Variants in CLEC2A observed in about 807,000 individuals in gnomAD.
The protein encoded by CLEC2A is C-type lectin domain family 2 member A.
Under a neutral mutation model 18.6 loss-of-function variants are expected in CLEC2A, and 19 were observed. That is an observed-to-expected ratio of 1.02 (90% CI 0.71 to 1.50). The LOEUF is 1.50. Among genes scored for constraint, CLEC2A ranks in the 40% most tolerant of loss-of-function variants. CLEC2A has a pLI of 0.00. For synonymous variants in CLEC2A, 74 were observed against 64.0 expected (o/e 1.16, Z -0.75); for missense variants, 190 against 207.9 (o/e 0.91, Z 0.53).
At chr12:9,912,464 A>T (rs553782473), downstream of CLEC2A, among the ~76,000 whole-genome samples, 1 of 152,296 alleles carries the variant, frequency 6.6e-6, no homozygotes, top group African/African-American at 2.4e-5. Context: ...CTGGAGGATG[A>T]AAATAGGAGC....
Position 9,898,854 on chromosome 12 carries a change from G to A in CLEC2A, c.*50C>T, listed in dbSNP as rs780341052. On this transcript the variant is annotated 3_prime_UTR_variant, in exon 5 of 5. Coordinates refer to the CLEC2A transcript ENST00000339766. ...AAGACAGATTTAACTGCTTCCTGCTGACAGGGGACATTGTTTTGGGGAAAC... is the reference window on the plus strand; with the variant it reads ...AAGACAGATTTAACTGCTTCCTGCTAACAGGGGACATTGTTTTGGGGAAAC... 7.1e-6 allele frequency: 5 copies of A among 703,940 alleles called. No individual in the cohort carries two copies. In the East Asian group the frequency reaches 8.1e-5, roughly 11 times the overall value. The allele number at this position is 703,940 out of a possible 1,614,324, so 43.6% of individuals were successfully genotyped here.
chr12:9,883,029 C>A, the CLEC2A span, among the ~76,000 whole-genome samples: 2 of 151,970 alleles, frequency 1.3e-5, no homozygotes, highest in Admixed American at 1.3e-4. Context: ...AGATAATATC[C>A]ATTTAAATTA....
At chr12:9,892,205 A>G in the CLEC2A span, among the ~76,000 whole-genome samples, 4,256 of 152,146 alleles carry the variant, frequency 0.028, 88 homozygotes, top group Middle Eastern at 0.068. Context: ...ATATAACTGT[A>G]TATTAAAGAA....
intron 4 of CLEC2A, among the ~76,000 whole-genome samples, chr12:9,902,809 C>G (rs567949499): frequency 1.3e-4 from 20 of 152,242 alleles, no homozygotes; most frequent in African/African-American, 4.6e-4. Context: ...GTTTTTATTC[C>G]TAATGCAGTC....
chr12:9,920,826 G>T (rs939451703), intron 3 of CLEC2A, among the ~76,000 whole-genome samples: 2 of 152,070 alleles, frequency 1.3e-5, no homozygotes, highest in African/African-American at 4.8e-5. Flanking sequence ...TCTTCGAAGT[G>T]CACATATTTC....
the CLEC2A span, among the ~76,000 whole-genome samples, chr12:9,886,134 ATGT>A: frequency 2.6e-5 from 4 of 152,158 alleles, no homozygotes; most frequent in Non-Finnish European, 4.4e-5. Context: ...GAAATTTGAC[ATGT>A]TGATGAATTA....
chr12:9,898,163 T>C (rs1041281983), downstream of CLEC2A, among the ~76,000 whole-genome samples: 6 of 152,242 alleles, frequency 3.9e-5, no homozygotes, highest in African/African-American at 1.2e-4. Flanking sequence ...TGAAATTCTA[T>C]ATAAAGTTTA....
At chr12:9,878,752 G>A in the CLEC2A span, among the ~76,000 whole-genome samples, 4 of 152,102 alleles carry the variant, frequency 2.6e-5, no homozygotes, top group Non-Finnish European at 5.9e-5. Context: ...GATGGAGGGT[G>A]GGGGAACAGT....
chr12:9,920,533 C>T (rs911522804), intron 3 of CLEC2A, among the ~76,000 whole-genome samples: 1 of 152,172 alleles, frequency 6.6e-6, no homozygotes, highest in African/African-American at 2.4e-5. Context: ...CCCAGGTTGG[C>T]CATCGACCTG....
the CLEC2A span, among the ~76,000 whole-genome samples, chr12:9,889,921 C>T: frequency 6.0e-3 from 907 of 151,764 alleles, 12 homozygotes; most frequent in African/African-American, 0.021. Flanking sequence ...ATAATGACAC[C>T]TACTCAATAG....
chr12:9,888,711 C>A, the CLEC2A span: 9 of 1,387,850 alleles, frequency 6.5e-6, no homozygotes, highest in South Asian at 7.5e-5. Context: ...TTTCTCATAT[C>A]TTTTCTTTGC....
At chr12:9,894,276 G>A (rs1862728527), downstream of CLEC2A, among the ~76,000 whole-genome samples, 1 of 151,322 alleles carries the variant, frequency 6.6e-6, no homozygotes, top group Admixed American at 6.6e-5. Context: ...TGACCTTCTG[G>A]GCTCAAGCAA....
chr12:9,913,315 C>T lies in CLEC2A; in HGVS notation c.*251G>A. 1 of 447,854 alleles carries T rather than the reference C, an allele frequency of 2.2e-6. No individual in the cohort carries two copies. The highest frequency in any genetic ancestry group is 4.2e-5 in the South Asian group (1 of 24,036). The allele number at this position is 447,854 out of a possible 1,614,324, so 27.7% of individuals were successfully genotyped here. A position where few individuals can be genotyped will look rare whatever the true frequency, so the allele number is the denominator to read the frequency against. On this transcript the variant is annotated 3_prime_UTR_variant, in exon 5 of 5. Transcript: ENST00000455827. ...GGTATTAGGGGATGGAGCCATCCAT[C>T]AGGAGGTGATTAGTTCATGAGGATG...
chr12:9,908,628 C>G (rs186318923), downstream of CLEC2A, among the ~76,000 whole-genome samples: 1 of 152,130 alleles, frequency 6.6e-6, no homozygotes, highest in South Asian at 2.1e-4. Context: ...CCTGGCCCCC[C>G]CTATTCTTCC....
At chr12:9,896,858 A>ATTT (rs764556099), downstream of CLEC2A, among the ~76,000 whole-genome samples, 4 of 135,944 alleles carry the variant, frequency 2.9e-5, no homozygotes, top group African/African-American at 8.3e-5. Flanking sequence ...CAGTCTCTTA[A>ATTT]TTTTTTTTTT....
At chr12:9,899,987 T>G (rs1173646695) in intron 4 of CLEC2A, among the ~76,000 whole-genome samples, 1 of 152,154 alleles carries the variant, frequency 6.6e-6, no homozygotes, top group Non-Finnish European at 1.5e-5. Context: ...AGTTAAATGC[T>G]AAGGTGAAAG....
intron 1 of CLEC2A, among the ~76,000 whole-genome samples, chr12:9,931,560 A>G (rs1863375923): frequency 6.6e-6 from 1 of 152,164 alleles, no homozygotes; most frequent in Admixed American, 6.5e-5. Flanking sequence ...TTCAACCTTT[A>G]AGAGTATCAG....
At chr12:9,920,801 A>G (rs1261529610) in intron 3 of CLEC2A, among the ~76,000 whole-genome samples, 3 of 152,118 alleles carry the variant, frequency 2.0e-5, no homozygotes, top group East Asian at 1.9e-4. Flanking sequence ...CTTTACTTCC[A>G]TTAATTCACT....
At position 9,926,257 on chromosome 12, in the gene CLEC2A, C is replaced by G; in HGVS notation, c.139+3G>C. 6.6e-7 allele frequency: 1 copy of G among 1,511,842 alleles called. No homozygotes were observed. Among genetic ancestry groups the G allele is most frequent in the African/African-American group, 1.4e-5 (1 of 72,298 alleles). 93.7% of individuals were successfully genotyped at this position (1,511,842 alleles called of 1,614,324 possible). On this transcript the variant is annotated splice_donor_region_variant and intron_variant, in intron 2 of 4. Coordinates refer to ENST00000455827, the MANE Select transcript of CLEC2A (RefSeq NM_001130711.2). ...TAGAAAGTGTATGAATTAAACCACT[C>G]ACCTATCATAATAATGCAAACTGTA...
Sources: gnomAD v4.1 joint callset for allele counts (sites outside exome capture counted in the v4.1 genomes callset) on GRCh38, gnomAD v4.1.1 for gene constraint, MANE v1.5 for transcripts, NCBI Gene and HGNC (gene_info 2026-07-23, HGNC 2026-07-21) for gene names.